OGFRL1: variants seen among roughly 807,000 people sequenced by gnomAD.
OGFRL1 encodes opioid growth factor receptor like 1.
OGFRL1 carries 26 observed loss-of-function variants against 32.4 expected under a neutral mutation model. The observed-to-expected ratio is 0.80, with a 90% CI of 0.59 to 1.11. The LOEUF (loss-of-function observed/expected upper bound fraction) is 1.11, where lower values mean the gene tolerates loss of function less well. Ranked by LOEUF, OGFRL1 falls within the 50% of genes most tolerant of loss-of-function variation. The pLI, the probability that OGFRL1 is intolerant of heterozygous loss-of-function variation, is 0.00. For missense variants in OGFRL1, 521 were observed against 546.4 expected, an observed-to-expected ratio of 0.95 and a Z score of 0.46; for synonymous variants, 211 against 201.2, an observed-to-expected ratio of 1.05 and a Z score of -0.41.
intron 3 of OGFRL1, among the ~76,000 whole-genome samples, chr6:71,294,423 C>T (rs1766141336): frequency 6.6e-6 from 1 of 152,136 alleles, no homozygotes; most frequent in South Asian, 2.1e-4. Context: ...TGAGCCAGTT[C>T]CACAGCAGTG....
At chr6:71,301,305 A>C in intron 6 of OGFRL1, 81 bp from the exon 7 acceptor site, 4 of 1,198,586 alleles carry the variant, frequency 3.3e-6, no homozygotes, top group Non-Finnish European at 4.7e-6. Context: ...TTCCATAAAA[A>C]ATATTTTCCC....
At position 71,293,570 on chromosome 6, in the gene OGFRL1, A is replaced by G; in HGVS notation, c.359A>G (p.Asn120Ser). Residue 120 changes from asparagine (N) to serine (S), a missense_variant, in exon 3 of 7, where the codon AAT (asparagine) becomes AGT (serine). Physicochemically the swap from Asn to Ser is conservative, Grantham distance 46. Coordinates refer to ENST00000370435, the MANE Select transcript of OGFRL1 (RefSeq NM_024576.5). ...ATCCGATATCAAAATGACTTGAGCA[A>G]TCTTCGTTTTTATAAGAATAAAATT... ...KDIRYQNDLSNLRFYKNKIPF... is the reference protein window; with the variant it reads ...KDIRYQNDLSSLRFYKNKIPF... The G allele has an allele frequency of 6.2e-7, 1 of 1,613,190 alleles. No homozygotes were observed. The highest frequency in any genetic ancestry group is 8.5e-7 in the Non-Finnish European group (1 of 1,179,454).
Position 71,305,607 on chromosome 6 carries a change from C to G in OGFRL1, c.*3558C>G, listed in dbSNP as rs1017811592. ...TAGAGAAGTTCTAAGTATTTTTTTG[C>G]TAAGTAGTAAAAATATAAACATATG... is the stretch of plus-strand genomic sequence containing the variant. On this transcript the variant is annotated 3_prime_UTR_variant, in exon 7 of 7. Transcript: ENST00000370435. The G allele has an allele frequency of 8.6e-5, 13 of 151,698 alleles. No individual in the cohort carries two copies. The highest frequency in any genetic ancestry group is 1.8e-4 in the Non-Finnish European group (12 of 67,842). The allele number at this position is 151,698 out of a possible 1,614,324, so 9.4% of individuals were successfully genotyped here. A position where few individuals can be genotyped will look rare whatever the true frequency, so the allele number is the denominator to read the frequency against.
intron 6 of OGFRL1, among the ~76,000 whole-genome samples, chr6:71,298,595 G>A (rs987404810): frequency 2.9e-4 from 44 of 152,028 alleles, no homozygotes; most frequent in African/African-American, 9.4e-4. Context: ...TGATTTCCAG[G>A]GTTGAGGCAG....
intron 6 of OGFRL1, among the ~76,000 whole-genome samples, chr6:71,297,076 CA>C (rs5877273): frequency 0.18 from 28,144 of 152,134 alleles, 3,270 homozygotes; most frequent in Non-Finnish European, 0.26. Flanking sequence ...CTATTGCCCA[CA>C]GCCAAATGTT....
At position 71,289,180 on chromosome 6, in the gene OGFRL1, C is replaced by T; in HGVS notation, c.234+10C>T. 1 of 1,071,416 alleles carries T rather than the reference C, an allele frequency of 9.3e-7. No homozygotes were observed. The highest frequency in any genetic ancestry group is 1.7e-5 in the African/African-American group (1 of 58,842). 66.4% of individuals were successfully genotyped at this position (1,071,416 alleles called of 1,614,324 possible). ...GGCGGGCGCCGAGCAGGTACGCGGC[C>T]CAGCGGTGGCCTCGGGTCGGGCTGG... is the stretch of plus-strand genomic sequence containing the variant. On this transcript the variant is annotated intron_variant, in intron 1 of 6. Transcript: ENST00000370435.
rs1766473952 is a variant in OGFRL1 at position 71,304,032 on chromosome 6, A to G, written c.*1983A>G. On this transcript the variant is annotated 3_prime_UTR_variant, in exon 7 of 7. Transcript: ENST00000370435. ...CTTCATATCATCTTCTGTTGCCTCTATTGATCCACATTTTCTGCAGTGGAT... is the reference window on the plus strand; with the variant it reads ...CTTCATATCATCTTCTGTTGCCTCTGTTGATCCACATTTTCTGCAGTGGAT... 1 of 152,156 alleles carries G rather than the reference A, an allele frequency of 6.6e-6. No individual in the cohort carries two copies. The highest frequency in any genetic ancestry group is 2.1e-4 in the South Asian group (1 of 4,838). 9.4% of individuals were successfully genotyped at this position (152,156 alleles called of 1,614,324 possible). A position where few individuals can be genotyped will look rare whatever the true frequency, so the allele number is the denominator to read the frequency against.
intron 1 of OGFRL1, among the ~76,000 whole-genome samples, chr6:71,290,669 C>G (rs1766022766): frequency 6.6e-6 from 1 of 152,152 alleles, no homozygotes; most frequent in South Asian, 2.1e-4. Context: ...GACTGCCAAC[C>G]CTATTTGTTG....
rs772057033 is a variant in OGFRL1 at position 71,293,365 on chromosome 6, C to CG, written c.308dup (p.His104ThrfsTer14). ...TGCTGCCAGGGATTTGTACAAGTAC[C>CG]GACACCAGTACCCAGTAAGAGTATA... On this transcript the variant is annotated frameshift_variant, in exon 2 of 7. Coordinates refer to ENST00000370435, the MANE Select transcript of OGFRL1 (RefSeq NM_024576.5). LOFTEE classifies it high-confidence loss of function. 3.1e-6 allele frequency: 5 copies of CG among 1,613,580 alleles called. No homozygotes were observed. Among genetic ancestry groups the CG allele is most frequent in the Non-Finnish European group, 4.2e-6 (5 of 1,179,704 alleles).
chr6:71,296,957 C>T, intron 6 of OGFRL1, 140 bp downstream of exon 6: 1 of 888,206 alleles, frequency 1.1e-6, no homozygotes, highest in Non-Finnish European at 1.7e-6. Context: ...AAATGCATTA[C>T]ATTCCTGTAC....
At position 71,289,843 on chromosome 6, in the gene OGFRL1, A is replaced by C. The variant is rs370462307; in HGVS notation, c.234+673A>C. The C allele has an allele frequency of 6.1e-6, 6 of 978,372 alleles. No homozygotes were observed. In the South Asian group the frequency reaches 2.8e-4, roughly 46 times the overall value. The allele number at this position is 978,372 out of a possible 1,614,324, so 60.6% of individuals were successfully genotyped here. A position where few individuals can be genotyped will look rare whatever the true frequency, so the allele number is the denominator to read the frequency against. The stretch of plus-strand genomic sequence containing the variant: ...CAAGAGATAAGCCCCTTAACCTCTG[A>C]TGGACTGAAAATAATCAGGAACTTT... On this transcript the variant is annotated intron_variant, in intron 1 of 6. Coordinates refer to ENST00000370435, the MANE Select transcript of OGFRL1 (RefSeq NM_024576.5).
chr6:71,293,511 GATTT>G lies in OGFRL1; in HGVS notation c.322-17_322-14del, dbSNP rs1408100097. 6.9e-6 allele frequency: 11 copies of G among 1,601,460 alleles called. No homozygotes were observed. Among genetic ancestry groups the G allele is most frequent in the Non-Finnish European group, 9.4e-6 (11 of 1,169,924 alleles). On this transcript the variant is annotated intron_variant, in intron 2 of 6. Coordinates refer to ENST00000370435, the MANE Select transcript of OGFRL1 (RefSeq NM_024576.5). ...ACTGTATTTCTATGTGCTGGAGATTGATTTATTTTTTCCTTTAGCAGAACTTCAA... is the reference window on the plus strand; with the variant it reads ...ACTGTATTTCTATGTGCTGGAGATTGATTTTTTCCTTTAGCAGAACTTCAA...
At chr6:71,298,548 G>A (rs1169842900) in intron 6 of OGFRL1, among the ~76,000 whole-genome samples, 1 of 152,098 alleles carries the variant, frequency 6.6e-6, no homozygotes. Context: ...CTGATTTATA[G>A]GTGGAAACAG....
At position 71,296,404 on chromosome 6, in the gene OGFRL1, C is replaced by T. The variant is rs758918830; in HGVS notation, c.479+9C>T. On this transcript the variant is annotated intron_variant, in intron 4 of 6. Coordinates refer to ENST00000370435, the MANE Select transcript of OGFRL1 (RefSeq NM_024576.5). ...CACACTTACATTCAATGGTCAGTTACATATTATCTATCTTGAACCATGTCC... is the reference window on the plus strand; with the variant it reads ...CACACTTACATTCAATGGTCAGTTATATATTATCTATCTTGAACCATGTCC... 47 of 1,607,732 alleles carry T rather than the reference C, an allele frequency of 2.9e-5. No individual in the cohort carries two copies. The highest frequency in any genetic ancestry group is 3.9e-5 in the Non-Finnish European group (46 of 1,175,002).
At chr6:71,289,807 G>A in intron 1 of OGFRL1, 1 of 985,372 alleles carries the variant, frequency 1.0e-6, no homozygotes, top group Non-Finnish European at 1.2e-6. Flanking sequence ...CAGCTTGGAG[G>A]AGAGGTTAGT....
At position 71,288,893 on chromosome 6, in the gene OGFRL1, G is replaced by T. The variant is rs753194124; in HGVS notation, c.-44G>T. ...GGCCCTAGAGCGCCTGCCGCAGCTT[G>T]CGCCCCGCAGCCCCGCAGCCCCGCG... On this transcript the variant is annotated 5_prime_UTR_variant, in exon 1 of 7. Coordinates refer to ENST00000370435, the MANE Select transcript of OGFRL1 (RefSeq NM_024576.5). 4.9e-6 allele frequency: 6 copies of T among 1,228,298 alleles called. No homozygotes were observed. The highest frequency in any genetic ancestry group is 3.2e-5 in the Admixed American group (1 of 30,892). The allele number at this position is 1,228,298 out of a possible 1,614,324, so 76.1% of individuals were successfully genotyped here. A position where few individuals can be genotyped will look rare whatever the true frequency, so the allele number is the denominator to read the frequency against.
Position 71,289,006 on chromosome 6 carries a change from C to A in OGFRL1, c.70C>A (p.Gln24Lys). The change falls in exon 1 of 7, where the codon CAG becomes AAG. Residue 24 changes from glutamine to lysine, a missense_variant. By Grantham distance (53) the Gln-to-Lys change is moderately conservative. Coordinates refer to ENST00000370435, the MANE Select transcript of OGFRL1 (RefSeq NM_024576.5). ...TTVEDCDSTW[Q>K]TDSEPEPEEP... ...CGTGGAGGACTGCGACTCCACCTGG[C>A]AGACCGACTCGGAGCCCGAGCCCGA... The A allele has an allele frequency of 7.2e-7, 1 of 1,383,244 alleles. No individual in the cohort carries two copies. The highest frequency in any genetic ancestry group is 9.5e-7 in the Non-Finnish European group (1 of 1,051,840). 85.7% of individuals were successfully genotyped at this position (1,383,244 alleles called of 1,614,324 possible).
chr6:71,306,366 T>C lies in OGFRL1; in HGVS notation c.*4317T>C, dbSNP rs933493797. 4 of 152,196 alleles carry C rather than the reference T, an allele frequency of 2.6e-5. No homozygotes were observed. Among genetic ancestry groups the C allele is most frequent in the Non-Finnish European group, 5.9e-5 (4 of 68,038 alleles). The allele number at this position is 152,196 out of a possible 1,614,324, so 9.4% of individuals were successfully genotyped here. A position where few individuals can be genotyped will look rare whatever the true frequency, so the allele number is the denominator to read the frequency against. On this transcript the variant is annotated 3_prime_UTR_variant, in exon 7 of 7. Transcript: ENST00000370435. ...CTACCCTGCTCCTTCTGCATTCTAG[T>C]TATCCAACACACCCAGCAGATTGTG... is the stretch of plus-strand genomic sequence containing the variant.
intron 3 of OGFRL1, among the ~76,000 whole-genome samples, chr6:71,295,012 A>C (rs1766160306): frequency 6.6e-6 from 1 of 152,154 alleles, no homozygotes; most frequent in Non-Finnish European, 1.5e-5. Context: ...TTTACTACAA[A>C]GTTTATTTTG....
Sources: allele counts gnomAD v4.1 joint callset (sites outside exome capture counted in the v4.1 genomes callset), GRCh38; gene constraint gnomAD v4.1.1; transcripts MANE v1.5; gene names NCBI Gene and HGNC (gene_info 2026-07-23, HGNC 2026-07-21).